RELCH: variants seen among roughly 807,000 people sequenced by gnomAD.
RELCH encodes RAB11 binding and LisH domain, coiled-coil and HEAT repeat containing.
Under a neutral mutation model 150.3 loss-of-function variants are expected in RELCH, and 41 were observed. The observed-to-expected ratio is 0.27, with a 90% CI of 0.21 to 0.35. RELCH has a LOEUF of 0.35. RELCH is among the 10% of genes least tolerant of loss of function. The pLI, the probability that RELCH is intolerant of heterozygous loss-of-function variation, is 1.00. For synonymous variants in RELCH, 478 were observed against 531.8 expected (o/e 0.90, Z 1.39); for missense variants, 1,092 against 1,467.8 (o/e 0.74, Z 4.18).
chr18:62,196,515 C>A (rs2148205870), intron 1 of RELCH, among the ~76,000 whole-genome samples: 1 of 152,358 alleles, frequency 6.6e-6, no homozygotes, highest in East Asian at 1.9e-4. Context: ...CAGGCGTGAG[C>A]CACTGCGCCC....
At chr18:62,189,839 ATAAC>A (rs1448199433) in intron 1 of RELCH, among the ~76,000 whole-genome samples, 16 of 152,330 alleles carry the variant, frequency 1.1e-4, no homozygotes, top group African/African-American at 3.6e-4. Context: ...CTTTCTTGAA[ATAAC>A]TAGAGTCTTA....
chr18:62,280,651 T>C lies in RELCH; in HGVS notation c.3056T>C (p.Val1019Ala), dbSNP rs755166030. Residue 1019 changes from valine (V) to alanine (A), a missense_variant, in exon 24 of 29, where the codon GTC (valine) becomes GCC (alanine). Physicochemically the swap from Val to Ala is moderately conservative, Grantham distance 64. Transcript: ENST00000644646. ...TTCTGTTTTAATTCTAACAGCTCTG[T>C]CAGGATTGCCACAATTCCAGCCTTT... Reference protein sequence around the residue: ...ITLSSDPEISVRIATIPAFGT... With the variant: ...ITLSSDPEISARIATIPAFGT... 6 of 1,609,982 alleles carry C rather than the reference T, an allele frequency of 3.7e-6. No homozygotes were observed. In the African/African-American group the frequency reaches 6.7e-5, roughly 18 times the overall value.
chr18:62,251,314 T>C (rs148869585), intron 11 of RELCH, among the ~76,000 whole-genome samples: 240 of 152,346 alleles, frequency 1.6e-3, no homozygotes, highest in Non-Finnish European at 2.5e-3. Context: ...AAGGGTTTGC[T>C]TTTAATCTTA....
chr18:62,229,399 G>A (rs577590354), intron 8 of RELCH, among the ~76,000 whole-genome samples: 8 of 151,658 alleles, frequency 5.3e-5, no homozygotes, highest in Non-Finnish European at 1.2e-4. Flanking sequence ...AGACTTATAG[G>A]TTCCCATTAT....
At chr18:62,209,262 A>G (rs1587999) in intron 1 of RELCH, among the ~76,000 whole-genome samples, 14,917 of 152,224 alleles carry the variant, frequency 0.098, 858 homozygotes, top group East Asian at 0.19. Flanking sequence ...TGCATTTCCT[A>G]ATAAAAGTTT....
intron 5 of RELCH, among the ~76,000 whole-genome samples, chr18:62,223,869 C>T (rs1011628104): frequency 3.3e-5 from 5 of 152,086 alleles, no homozygotes; most frequent in Admixed American, 6.6e-5. Context: ...ATCCAACATC[C>T]ATTCTCTTTT....
At chr18:62,204,436 A>G (rs2039652327) in intron 1 of RELCH, among the ~76,000 whole-genome samples, 1 of 152,116 alleles carries the variant, frequency 6.6e-6, no homozygotes, top group Admixed American at 6.6e-5. Flanking sequence ...TCTGAGCTCA[A>G]GTGATCCTCC....
intron 1 of RELCH, among the ~76,000 whole-genome samples, chr18:62,208,455 A>G (rs908081762): frequency 6.6e-6 from 1 of 152,134 alleles, no homozygotes; most frequent in African/African-American, 2.4e-5. Context: ...AAAAGTTGAC[A>G]AAAACGTCAT....
In RELCH at chr18:62,244,114, T is replaced by G. The variant is rs183948900; in HGVS notation, c.1621-650T>G. Among the ~76,000 whole-genome samples the G allele has an allele frequency of 1.9e-3, 292 of 152,236 alleles. 1 individual carries two copies. The highest frequency in any genetic ancestry group is 3.5e-3 in the Non-Finnish European group (237 of 67,954). ...ATTAATTTCAAGTGTCTCTTAGAAA[T>G]AAACTTTTAGCTCTTACTTTCCTAC... is the stretch of plus-strand genomic sequence containing the variant. On this transcript the variant is annotated intron_variant, in intron 10 of 28. Coordinates refer to ENST00000644646, the MANE Select transcript of RELCH (RefSeq NM_001346231.2).
chr18:62,238,600 A>C (rs529071395), intron 10 of RELCH, among the ~76,000 whole-genome samples: 1 of 152,168 alleles, frequency 6.6e-6, no homozygotes, highest in Non-Finnish European at 1.5e-5. Context: ...GTGCCAAGGA[A>C]ATATGTTCTA....
chr18:62,200,205 T>C (rs1442251277), intron 1 of RELCH, among the ~76,000 whole-genome samples: 2 of 152,226 alleles, frequency 1.3e-5, no homozygotes, highest in African/African-American at 4.8e-5. Context: ...ACTTCTGGCT[T>C]GCTCACAGAT....
chr18:62,239,578 T>C lies in RELCH; in HGVS notation c.1621-5186T>C, dbSNP rs1315713776. On this transcript the variant is annotated intron_variant, in intron 10 of 28. Transcript: ENST00000644646. Reference sequence around the variant, plus strand: ...TAAAAATACAAAATTTTGGCTTTTTTTGAAAACTCCTAGTCTGGAGTTTTC... The same window carrying C: ...TAAAAATACAAAATTTTGGCTTTTTCTGAAAACTCCTAGTCTGGAGTTTTC... 1.3e-5 allele frequency among the ~76,000 whole-genome samples: 2 copies of C among 152,092 alleles called. 1 individual carries two copies. The highest frequency in any genetic ancestry group is 4.1e-4 in the South Asian group (2 of 4,830).
At chr18:62,303,041 G>A (rs2045734634) in intron 28 of RELCH, among the ~76,000 whole-genome samples, 1 of 151,940 alleles carries the variant, frequency 6.6e-6, no homozygotes. Context: ...AAATGCCTAG[G>A]CCCTCTAAAA....
intron 8 of RELCH, among the ~76,000 whole-genome samples, chr18:62,229,921 C>T (rs1199454653): frequency 6.6e-6 from 1 of 151,954 alleles, no homozygotes; most frequent in African/African-American, 2.4e-5. Context: ...TGTAAGCTTG[C>T]GTTAATTCAT....
At chr18:62,293,884 CT>C (rs2045278664) in intron 27 of RELCH, among the ~76,000 whole-genome samples, 1 of 151,820 alleles carries the variant, frequency 6.6e-6, no homozygotes, top group Non-Finnish European at 1.5e-5. Context: ...CTTTGTTTTT[CT>C]TATTGTTTTA....
Position 62,187,677 on chromosome 18 carries a change from C to A in RELCH, c.172C>A (p.Gln58Lys). Residue 58 changes from glutamine to lysine, a missense_variant, in exon 1 of 29, where the codon CAG becomes AAG. Physicochemically the swap from Gln to Lys is moderately conservative, Grantham distance 53 (BLOSUM62 1). This residue lies in a region of RELCH where 138 missense variants were observed against 124.8 expected (regional missense o/e 1.11). Transcript: ENST00000644646. ...DPGSAGSLSPQDPVALGSSAR... is the reference protein window; with the variant it reads ...DPGSAGSLSPKDPVALGSSAR... ...TGGCTCTGCGGGCTCGCTGTCGCCA[C>A]AGGATCCCGTGGCCTTAGGAAGCAG... 6.3e-7 allele frequency: 1 copy of A among 1,576,286 alleles called. No individual in the cohort carries two copies. The highest frequency in any genetic ancestry group is 8.6e-7 in the Non-Finnish European group (1 of 1,157,480).
chr18:62,242,222 T>C (rs1226066514), intron 10 of RELCH, among the ~76,000 whole-genome samples: 1 of 152,210 alleles, frequency 6.6e-6, no homozygotes, highest in Non-Finnish European at 1.5e-5. Flanking sequence ...CCATATGTTG[T>C]TAATTTGCCA....
intron 10 of RELCH, among the ~76,000 whole-genome samples, chr18:62,235,647 T>C (rs188167086): frequency 4.7e-4 from 71 of 152,202 alleles, no homozygotes; most frequent in Non-Finnish European, 9.0e-4. Flanking sequence ...ATTTTTAGTA[T>C]ACAATTCTTT....
intron 2 of RELCH, among the ~76,000 whole-genome samples, chr18:62,213,861 C>T (rs2040326188): frequency 6.6e-6 from 1 of 151,816 alleles, no homozygotes. Flanking sequence ...GTTTTCTTTC[C>T]CTGTGTAACT....
Sources: allele counts gnomAD v4.1 joint callset (sites outside exome capture counted in the v4.1 genomes callset), GRCh38; gene constraint gnomAD v4.1.1; regional missense constraint gnomAD v4.1.1; transcripts MANE v1.5; gene names NCBI Gene and HGNC (gene_info 2026-07-23, HGNC 2026-07-21).